PRKG1: variants seen among roughly 807,000 people sequenced by gnomAD.
PRKG1 encodes cGMP-dependent protein kinase 1.
A neutral mutation model predicts 88.1 loss-of-function variants in PRKG1; 35 were observed. The observed-to-expected ratio is 0.40, with a 90% confidence interval of 0.30 to 0.53. PRKG1 has a LOEUF of 0.53. Ranked by LOEUF, PRKG1 falls within the 20% of genes least tolerant of loss-of-function variation. The pLI, the probability that PRKG1 is intolerant of heterozygous loss-of-function variation, is 0.59. For synonymous variants in PRKG1, 303 were observed against 292.5 expected (o/e 1.04, Z -0.37); for missense variants, 540 against 839.8 (o/e 0.64, Z 4.41).
At chr10:51,586,467 A>G (rs748159688) in intron 3 of PRKG1, among the ~76,000 whole-genome samples, 1 of 152,158 alleles carries the variant, frequency 6.6e-6, no homozygotes. Flanking sequence ...GACACATTTT[A>G]TAACTTTTCA....
At chr10:51,241,471 C>T (rs757559043) in intron 2 of PRKG1, among the ~76,000 whole-genome samples, 3 of 152,002 alleles carry the variant, frequency 2.0e-5, no homozygotes, top group Non-Finnish European at 2.9e-5. Context: ...TAATTTAAGC[C>T]GAGGGAGGTA....
intron 1 of PRKG1, among the ~76,000 whole-genome samples, chr10:51,046,194 T>A (rs1843486362): frequency 6.6e-6 from 1 of 152,358 alleles, no homozygotes; most frequent in African/African-American, 2.4e-5. Context: ...TTATGCTTGT[T>A]CGTCTTCTCC....
intron 5 of PRKG1, among the ~76,000 whole-genome samples, chr10:51,989,513 GA>G (rs769041955): frequency 1.3e-5 from 2 of 151,756 alleles, no homozygotes; most frequent in Non-Finnish European, 2.9e-5. Flanking sequence ...CTCCAGAGGT[GA>G]ATTTAGTAAT....
intron 2 of PRKG1, among the ~76,000 whole-genome samples, chr10:51,322,345 A>T (rs1841479412): frequency 6.6e-6 from 1 of 152,186 alleles, no homozygotes; most frequent in South Asian, 2.1e-4. Context: ...CCTTGTGTAA[A>T]TCTGGAATGT....
At chr10:51,319,199 A>G (rs1248947884) in intron 2 of PRKG1, among the ~76,000 whole-genome samples, 1 of 152,202 alleles carries the variant, frequency 6.6e-6, no homozygotes, top group East Asian at 1.9e-4. Context: ...AGCAGCTATT[A>G]CAAACTAGTT....
chr10:52,157,306 G>GAGATATATATATATATAT lies in PRKG1; in HGVS notation c.1002-4582_1002-4581insGATATATATATATATATA, dbSNP rs1289803162. On this transcript the variant is annotated intron_variant, in intron 8 of 17. Transcript: ENST00000373980. The stretch of plus-strand genomic sequence containing the variant: ...TATATATATTGTGTGTGAGTTAGTT[G>GAGATATATATATATATAT]ATATATATATATATATATATATATA... 9.1e-4 allele frequency among the ~76,000 whole-genome samples: 115 copies of GAGATATATATATATATAT among 125,864 alleles called. 1 individual carries two copies. Among genetic ancestry groups the GAGATATATATATATATAT allele is most frequent in the East Asian group, 2.9e-3 (11 of 3,764 alleles). 82.6% of individuals were successfully genotyped at this position (125,864 alleles called of 152,430 possible).
rs533775285 is a variant in PRKG1, at chr10:52,080,711, G to A, written c.935+18080G>A. Among the ~76,000 whole-genome samples, 282 of 152,060 alleles carry A rather than the reference G, an allele frequency of 1.9e-3. 1 individual carries two copies. Among genetic ancestry groups the A allele is most frequent in the Non-Finnish European group, 3.4e-3 (233 of 67,956 alleles). ...GTTTTGTGTATCATACAAAAACATT[G>A]ACTTTTATTTTCTCCTTTTTTTATT... On this transcript the variant is annotated intron_variant, in intron 7 of 17. Transcript: ENST00000373980.
chr10:51,595,307 G>T (rs1340738333), intron 3 of PRKG1, among the ~76,000 whole-genome samples: 1 of 152,004 alleles, frequency 6.6e-6, no homozygotes, highest in African/African-American at 2.4e-5. Flanking sequence ...GGGCAAGAGG[G>T]AAAGACCTTG....
At chr10:52,179,969 G>A (rs1300394532) in intron 9 of PRKG1, among the ~76,000 whole-genome samples, 1 of 152,212 alleles carries the variant, frequency 6.6e-6, no homozygotes, top group African/African-American at 2.4e-5. Flanking sequence ...TTACAGGCGT[G>A]AGCCACCGTG....
chr10:51,344,860 T>A (rs771168535), intron 2 of PRKG1, among the ~76,000 whole-genome samples: 8 of 152,220 alleles, frequency 5.3e-5, no homozygotes, highest in Non-Finnish European at 1.0e-4. Flanking sequence ...TTGCCCCCGA[T>A]GAATTAGTGC....
chr10:51,791,850 G>A (rs113991479), intron 3 of PRKG1, among the ~76,000 whole-genome samples: 108 of 152,134 alleles, frequency 7.1e-4, no homozygotes, highest in Non-Finnish European at 1.3e-3. Flanking sequence ...AAAATAACTG[G>A]AGTAAAGACC....
At chr10:51,992,418 A>G (rs1367907822) in intron 5 of PRKG1, among the ~76,000 whole-genome samples, 2 of 152,102 alleles carry the variant, frequency 1.3e-5, no homozygotes, top group Non-Finnish European at 2.9e-5. Flanking sequence ...AAAATGGAAG[A>G]GGGAGGGATT....
intron 4 of PRKG1, among the ~76,000 whole-genome samples, chr10:51,896,665 A>G (rs894443996): frequency 1.0e-4 from 15 of 150,740 alleles, no homozygotes; most frequent in Non-Finnish European, 1.5e-4. Flanking sequence ...AAAAAAAAAA[A>G]AAAAAGAAAA....
chr10:51,330,197 C>T (rs1841703720), intron 2 of PRKG1, among the ~76,000 whole-genome samples: 1 of 148,124 alleles, frequency 6.8e-6, no homozygotes, highest in South Asian at 2.1e-4. Context: ...GTTGCTCAGG[C>T]TGGAGTGCAG....
intron 1 of PRKG1, among the ~76,000 whole-genome samples, chr10:51,043,445 C>T (rs547188637): frequency 6.6e-6 from 1 of 152,140 alleles, no homozygotes; most frequent in Non-Finnish European, 1.5e-5. Context: ...ATTTCCATGA[C>T]TACACACCTT....
intron 1 of PRKG1, among the ~76,000 whole-genome samples, chr10:51,013,835 T>C (rs1843023334): frequency 6.6e-6 from 1 of 152,240 alleles, no homozygotes; most frequent in Admixed American, 6.5e-5. Flanking sequence ...GAATGCTCTC[T>C]TTACATGATT....
Position 51,650,725 on chromosome 10 carries a change from G to C in PRKG1, c.593-153860G>C, listed in dbSNP as rs145951676. 2.0e-5 allele frequency among the ~76,000 whole-genome samples: 3 copies of C among 152,278 alleles called. No individual in the cohort carries two copies. In the East Asian group the frequency reaches 5.8e-4, roughly 29 times the overall value. On this transcript the variant is annotated intron_variant, in intron 3 of 17. Transcript: ENST00000373980. The stretch of plus-strand genomic sequence containing the variant: ...AGAAAATAATAATATCACTAACACT[G>C]TATTGATTCCTGTTGTCTTTCCCAT...
chr10:51,712,466 G>A (rs1208719424), intron 3 of PRKG1, among the ~76,000 whole-genome samples: 2 of 150,454 alleles, frequency 1.3e-5, no homozygotes, highest in African/African-American at 4.9e-5. Context: ...TACAGTTATT[G>A]TCAAGTTTTG....
At chr10:51,967,564 A>G (rs2133082836) in intron 5 of PRKG1, among the ~76,000 whole-genome samples, 1 of 150,066 alleles carries the variant, frequency 6.7e-6, no homozygotes, top group East Asian at 1.9e-4. Flanking sequence ...TATAAAAAAA[A>G]AAAAGATTGT....
Sources: allele counts gnomAD v4.1 joint callset (sites outside exome capture counted in the v4.1 genomes callset), GRCh38; gene constraint gnomAD v4.1.1; transcripts MANE v1.5; gene names NCBI Gene and HGNC (gene_info 2026-07-23, HGNC 2026-07-21).